SEMA3A: variants seen among roughly 807,000 people sequenced by gnomAD.
SEMA3A encodes semaphorin 3A, also known as semaphorin-3A.
SEMA3A carries 29 observed loss-of-function variants against 97.9 expected under a neutral mutation model. That is an observed-to-expected ratio of 0.30 (90% CI 0.22 to 0.40). The LOEUF (loss-of-function observed/expected upper bound fraction) is 0.40. SEMA3A is among the 10% of genes least tolerant of loss of function. The probability of loss-of-function intolerance (pLI) is 1.00; values close to 1 mark genes in which losing one functional copy is unlikely to be tolerated. For synonymous variants in SEMA3A, 321 were observed against 323.7 expected (o/e 0.99, Z 0.09); for missense variants, 763 against 951.3 (o/e 0.80, Z 2.60).
At chr7:84,490,199 CAAAAAAAA>C (rs35030948) in intron 1 of SEMA3A, among the ~76,000 whole-genome samples, 1 of 101,028 alleles carries the variant, frequency 9.9e-6, no homozygotes, top group Non-Finnish European at 2.1e-5. Flanking sequence ...GCTTTTCCAG[CAAAAAAAA>C]AAAAAAAAAA....
intron 3 of SEMA3A, among the ~76,000 whole-genome samples, chr7:84,220,438 T>C (rs145431577): frequency 1.3e-5 from 2 of 152,278 alleles, no homozygotes; most frequent in Non-Finnish European, 2.9e-5. Context: ...GTGAACGTTC[T>C]TCATGGCAAC....
rs147650537 is a variant in SEMA3A, at chr7:84,028,730, G to A, written c.668-14379C>T. Among the ~76,000 whole-genome samples the A allele has an allele frequency of 2.9e-3, 436 of 152,122 alleles. 3 individuals carry two copies. The highest frequency in any genetic ancestry group is 9.6e-3 in the African/African-American group (400 of 41,514). On this transcript the variant is annotated intron_variant, in intron 6 of 16. Coordinates refer to ENST00000265362, the MANE Select transcript of SEMA3A (RefSeq NM_006080.3). ...CGTGATTCTCCTGCCTCAGCCTCCC[G>A]AGTAGCTGGGACTACAGGCGTGTGC...
At chr7:84,378,576 G>C (rs1487174790) in intron 1 of SEMA3A, among the ~76,000 whole-genome samples, 1 of 152,030 alleles carries the variant, frequency 6.6e-6, no homozygotes, top group African/African-American at 2.4e-5. Flanking sequence ...GGGGCAAGGG[G>C]ACGGATAGCA....
intron 1 of SEMA3A, among the ~76,000 whole-genome samples, chr7:84,398,620 T>C (rs1182282984): frequency 6.6e-6 from 1 of 151,880 alleles, no homozygotes; most frequent in Non-Finnish European, 1.5e-5. Context: ...TTTTGCAGCA[T>C]AGCAAAACTC....
At chr7:84,426,715 T>C (rs1804838223) in intron 1 of SEMA3A, among the ~76,000 whole-genome samples, 2 of 152,270 alleles carry the variant, frequency 1.3e-5, no homozygotes, top group Admixed American at 6.5e-5. Context: ...ATATTGTAAG[T>C]ATATCCATTG....
intron 3 of SEMA3A, among the ~76,000 whole-genome samples, chr7:84,125,344 A>G (rs748229582): frequency 1.3e-5 from 2 of 152,222 alleles, no homozygotes; most frequent in African/African-American, 2.4e-5. Flanking sequence ...TATCAGATTC[A>G]GCAAACTCCA....
intron 5 of SEMA3A, among the ~76,000 whole-genome samples, chr7:84,056,010 A>C (rs545449938): frequency 1.3e-5 from 2 of 152,306 alleles, no homozygotes; most frequent in South Asian, 4.1e-4. Context: ...ATACCCTACA[A>C]GATCTTTAAG....
chr7:84,204,920 T>C (rs891527922), intron 3 of SEMA3A, among the ~76,000 whole-genome samples: 10 of 152,204 alleles, frequency 6.6e-5, no homozygotes, highest in African/African-American at 2.4e-4. Context: ...CTTGGCCAGA[T>C]GTGCATTTGA....
At chr7:84,055,299 C>G (rs1444969023) in intron 5 of SEMA3A, among the ~76,000 whole-genome samples, 1 of 152,208 alleles carries the variant, frequency 6.6e-6, no homozygotes, top group Non-Finnish European at 1.5e-5. Flanking sequence ...GCCCCTCCCC[C>G]CGCCTCGCTG....
intron 3 of SEMA3A, among the ~76,000 whole-genome samples, chr7:84,216,040 G>C (rs1798746610): frequency 6.6e-6 from 1 of 152,126 alleles, no homozygotes; most frequent in African/African-American, 2.4e-5. Flanking sequence ...TTATTGAAAA[G>C]TGATTCCTCT....
At chr7:84,439,637 AAGATTT>A (rs1359079440) in intron 1 of SEMA3A, among the ~76,000 whole-genome samples, 1 of 152,190 alleles carries the variant, frequency 6.6e-6, no homozygotes, top group Non-Finnish European at 1.5e-5. Flanking sequence ...ACCCACTAAG[AAGATTT>A]AGATTAAGGC....
intron 1 of SEMA3A, among the ~76,000 whole-genome samples, chr7:84,137,446 A>G (rs1319228253): frequency 6.6e-6 from 1 of 151,476 alleles, no homozygotes; most frequent in Non-Finnish European, 1.5e-5. Context: ...TTGGCATCCA[A>G]AAGATTACAA....
intron 3 of SEMA3A, among the ~76,000 whole-genome samples, chr7:84,119,548 A>C (rs1024790010): frequency 8.5e-5 from 13 of 152,178 alleles, no homozygotes; most frequent in African/African-American, 3.1e-4. Flanking sequence ...AATGATTTTT[A>C]TGTTTCTAAG....
At chr7:83,965,640 ATATATATATATATATATATATATATATT>A in intron 15 of SEMA3A, among the ~76,000 whole-genome samples, 2 of 6,490 alleles carry the variant, frequency 3.1e-4, no homozygotes, top group Admixed American at 1.7e-3. Context: ...ATATATATAT[ATATATATATATATATATATATATATATT>A]TTTTTTTTTT....
intron 1 of SEMA3A, among the ~76,000 whole-genome samples, chr7:84,186,356 G>A (rs151261219): frequency 1.4e-4 from 21 of 152,228 alleles, no homozygotes; most frequent in East Asian, 7.7e-4. Flanking sequence ...TACATAGAAC[G>A]CAAGTAAGAA....
At chr7:84,382,108 AT>A (rs1439914827) in intron 1 of SEMA3A, among the ~76,000 whole-genome samples, 1 of 151,844 alleles carries the variant, frequency 6.6e-6, no homozygotes, top group Non-Finnish European at 1.5e-5. Flanking sequence ...TACATATGCC[AT>A]TTTTTCTTTT....
At chr7:84,087,947 G>T (rs1403491767) in intron 4 of SEMA3A, among the ~76,000 whole-genome samples, 2 of 151,868 alleles carry the variant, frequency 1.3e-5, no homozygotes, top group Admixed American at 1.3e-4. Flanking sequence ...GACTCTTTTT[G>T]GAACTAGCTC....
intron 4 of SEMA3A, among the ~76,000 whole-genome samples, chr7:84,074,475 T>C (rs1793866609): frequency 6.6e-6 from 1 of 152,144 alleles, no homozygotes. Flanking sequence ...GTTTATAATG[T>C]ATTAACCCTA....
chr7:84,050,494 G>T (rs974246701), intron 5 of SEMA3A, among the ~76,000 whole-genome samples: 31 of 152,002 alleles, frequency 2.0e-4, no homozygotes, highest in Admixed American at 2.0e-3. Flanking sequence ...TTTTTTGGCT[G>T]CATAAATGTC....
Sources: gnomAD v4.1 joint callset for allele counts (sites outside exome capture counted in the v4.1 genomes callset) on GRCh38, gnomAD v4.1.1 for gene constraint, MANE v1.5 for transcripts, NCBI Gene and HGNC (gene_info 2026-07-23, HGNC 2026-07-21) for gene names.